C10orf90: variants seen among roughly 807,000 people sequenced by gnomAD.
The protein encoded by C10orf90 is chromosome 10 open reading frame 90.
Under a neutral mutation model 62.5 loss-of-function variants are expected in C10orf90, and 56 were observed. That is an observed-to-expected ratio of 0.90 (90% confidence interval 0.72 to 1.12). The LOEUF (loss-of-function observed/expected upper bound fraction) is 1.12, where lower values mean the gene tolerates loss of function less well. C10orf90 is among the 50% of genes most tolerant of loss of function. The pLI, the probability that C10orf90 is intolerant of heterozygous loss-of-function variation, is 0.00. For synonymous variants in C10orf90, 386 were observed against 340.4 expected, an observed-to-expected ratio of 1.13 and a Z score of -1.47; for missense variants, 970 against 880.4, an observed-to-expected ratio of 1.10 and a Z score of -1.29.
chr10:126,482,947 A>G (rs952925294), intron 4 of C10orf90, among the ~76,000 whole-genome samples: 1 of 152,252 alleles, frequency 6.6e-6, no homozygotes, highest in Non-Finnish European at 1.5e-5. Flanking sequence ...ATTTTAAGTT[A>G]TCTGCATTTG....
At chr10:126,598,482 C>CA (rs778224554) in intron 2 of C10orf90, among the ~76,000 whole-genome samples, 4 of 152,068 alleles carry the variant, frequency 2.6e-5, no homozygotes, top group Non-Finnish European at 5.9e-5. Context: ...ATGTCTGGAA[C>CA]AAAATCTGCC....
Position 126,504,897 on chromosome 10 carries a change from C to G in C10orf90, c.594G>C (p.Ala198=). 6.2e-7 allele frequency: 1 copy of G among 1,614,144 alleles called. No individual in the cohort carries two copies. The highest frequency in any genetic ancestry group is 8.5e-7 in the Non-Finnish European group (1 of 1,180,016). The part of the protein sequence containing the change: ...RSGVNIHRAF[A]LLPGRLGIPA... Reference sequence around the variant, plus strand: ...GGATTCCTAATCTGCCCGGAAGTAACGCAAATGCTCTGTGAATGTTGACTC... The same window carrying G: ...GGATTCCTAATCTGCCCGGAAGTAAGGCAAATGCTCTGTGAATGTTGACTC... Residue 198 remains alanine, a synonymous_variant, in exon 4 of 10, where the codon GCG becomes GCC. Coordinates refer to ENST00000488181, the MANE Select transcript of C10orf90 (RefSeq NM_001350921.2). This position sits in a 1 kb window ranked among gnomAD's most constrained non-coding sequence, Gnocchi z 4.1.
At chr10:126,519,147 G>C (rs1052213985) in intron 2 of C10orf90, among the ~76,000 whole-genome samples, 6 of 152,178 alleles carry the variant, frequency 3.9e-5, no homozygotes, top group Non-Finnish European at 5.9e-5. Context: ...TTGTCAGATG[G>C]GGTTGGGTTT....
At chr10:126,531,594 T>C (rs1464023331) in intron 2 of C10orf90, among the ~76,000 whole-genome samples, 1 of 152,174 alleles carries the variant, frequency 6.6e-6, no homozygotes, top group Non-Finnish European at 1.5e-5. Flanking sequence ...TGAAGAATAA[T>C]ATGCCTCAAC....
intron 1 of C10orf90, among the ~76,000 whole-genome samples, chr10:126,669,190 T>C (rs997103257): frequency 6.6e-6 from 1 of 152,240 alleles, no homozygotes; most frequent in African/African-American, 2.4e-5. Flanking sequence ...GATTGGGCAA[T>C]GAAGTAATGA....
chr10:126,603,381 G>A (rs1205163762), intron 2 of C10orf90, among the ~76,000 whole-genome samples: 1 of 152,118 alleles, frequency 6.6e-6, no homozygotes, highest in Non-Finnish European at 1.5e-5. Context: ...ATCACAAGAA[G>A]AGCAGCATGG....
At position 126,563,256 on chromosome 10, in the gene C10orf90, G is replaced by A. The variant is rs575176959; in HGVS notation, c.314-49317C>T. ...GCTAAAGAGGGGCCACTCGTCCACC[G>A]CACGCCTGCCACCCCCACCCTCACA... On this transcript the variant is annotated intron_variant, in intron 2 of 9. Transcript: ENST00000488181. Among the ~76,000 whole-genome samples the A allele has an allele frequency of 1.1e-4, 16 of 152,270 alleles. No homozygotes were observed. In the South Asian group the frequency reaches 1.9e-3, roughly 18 times the overall value.
intron 7 of C10orf90, among the ~76,000 whole-genome samples, chr10:126,436,797 G>A (rs1857949457): frequency 6.8e-6 from 1 of 147,854 alleles, no homozygotes; most frequent in Non-Finnish European, 1.5e-5. Context: ...CTGAATAGCA[G>A]GGTTTTTGTT....
chr10:126,615,044 C>T (rs1845512663), intron 2 of C10orf90, among the ~76,000 whole-genome samples: 1 of 152,146 alleles, frequency 6.6e-6, no homozygotes, highest in South Asian at 2.1e-4. Context: ...GCTTCCATGC[C>T]TGGGTCCTCG....
chr10:126,596,376 TAA>T (rs35029008), intron 2 of C10orf90, among the ~76,000 whole-genome samples: 16,366 of 135,578 alleles, frequency 0.12, 1,591 homozygotes, highest in South Asian at 0.26. Context: ...GACACTTATT[TAA>T]AAAAAAAAAA....
At chr10:126,529,512 C>T (rs1864038180) in intron 2 of C10orf90, among the ~76,000 whole-genome samples, 1 of 151,954 alleles carries the variant, frequency 6.6e-6, no homozygotes, top group Admixed American at 6.6e-5. Flanking sequence ...TTTTAAAACC[C>T]CCCGTAAATT....
At chr10:126,635,520 C>T (rs188822864) in intron 2 of C10orf90, among the ~76,000 whole-genome samples, 10 of 152,264 alleles carry the variant, frequency 6.6e-5, no homozygotes, top group African/African-American at 1.7e-4. Context: ...AAGCAGGGCC[C>T]GTCTCTGGGT....
At chr10:126,502,794 G>T in intron 4 of C10orf90, 1 of 527,810 alleles carries the variant, frequency 1.9e-6, no homozygotes, top group Non-Finnish European at 3.9e-6. Flanking sequence ...TTTATCTTTG[G>T]AACATTGATA....
In C10orf90 at chr10:126,498,371, T is replaced by C. The variant is rs148867757; in HGVS notation, c.1534+5586A>G. Among the ~76,000 whole-genome samples the C allele has an allele frequency of 8.2e-3, 1,241 of 152,258 alleles. 24 individuals carry two copies. The highest frequency in any genetic ancestry group is 0.029 in the African/African-American group (1,190 of 41,526). On this transcript the variant is annotated intron_variant, in intron 4 of 9. Transcript: ENST00000488181. ...AGTCACTGCCCCCACTCCTGGACAA[T>C]TGTCCAATATATATTTGCTGAATGA...
At chr10:126,616,550 C>T (rs1845546047) in intron 2 of C10orf90, among the ~76,000 whole-genome samples, 1 of 152,116 alleles carries the variant, frequency 6.6e-6, no homozygotes. Flanking sequence ...GTCAGAGACG[C>T]CTAATAGATG....
At chr10:126,499,853 C>T (rs1417651164) in intron 4 of C10orf90, among the ~76,000 whole-genome samples, 4 of 152,234 alleles carry the variant, frequency 2.6e-5, no homozygotes, top group African/African-American at 4.8e-5. Context: ...CTACCATCAT[C>T]AGAAGATTTT....
rs745599903 is a variant in C10orf90, at chr10:126,504,209, C to G, written c.1282G>C (p.Val428Leu). 2.2e-5 allele frequency: 36 copies of G among 1,614,058 alleles called. No homozygotes were observed. Among genetic ancestry groups the G allele is most frequent in the Non-Finnish European group, 3.0e-5 (35 of 1,180,046 alleles). The part of the protein sequence containing the change: ...QELLEGDQDL[V>L]GQRWNPGLQE... ...AAACCTGGGTTCCAGCGCTGGCCTA[C>G]GAGGTCCTGGTCTCCCTCCAGGAGC... The change falls in exon 4 of 10, where the codon GTA becomes CTA. Residue 428 changes from valine (V) to leucine (L), a missense_variant. Coordinates refer to ENST00000488181, the MANE Select transcript of C10orf90 (RefSeq NM_001350921.2). This position sits in a 1 kb window ranked among gnomAD's most constrained non-coding sequence, Gnocchi z 4.1.
rs2133849059 is a variant in C10orf90, at chr10:126,494,309, G to T, written c.1534+9648C>A. Among the ~76,000 whole-genome samples, 2 of 152,210 alleles carry T rather than the reference G, an allele frequency of 1.3e-5. 1 individual carries two copies. Among genetic ancestry groups the T allele is most frequent in the South Asian group, 4.2e-4 (2 of 4,808 alleles). ...ACTTATGTATTTATAAATGGGAAAG[G>T]TAGGACAAAGCCAGGAGTGAGGTTT... On this transcript the variant is annotated intron_variant, in intron 4 of 9. Coordinates refer to ENST00000488181, the MANE Select transcript of C10orf90 (RefSeq NM_001350921.2).
intron 2 of C10orf90, among the ~76,000 whole-genome samples, chr10:126,626,754 A>G (rs772965942): frequency 2.4e-4 from 36 of 152,266 alleles, no homozygotes; most frequent in Non-Finnish European, 3.7e-4. Flanking sequence ...TGCTGGCAAT[A>G]AAAAAACAGA....
Sources: gnomAD v4.1 joint callset for allele counts (sites outside exome capture counted in the v4.1 genomes callset) on GRCh38, gnomAD v4.1.1 for gene constraint, Gnocchi (gnomAD v3.1) non-coding constraint, MANE v1.5 for transcripts, NCBI Gene and HGNC (gene_info 2026-07-23, HGNC 2026-07-21) for gene names.